MYNN: variants seen among roughly 807,000 people sequenced by gnomAD.
The protein encoded by MYNN is zinc finger and BTB domain-containing protein 31.
In MYNN, 22 loss-of-function variants were observed where a neutral mutation model predicts 57.2. The ratio of observed to expected loss-of-function variants is 0.38; its 90% CI spans 0.27 to 0.55. The LOEUF (loss-of-function observed/expected upper bound fraction) is 0.55, where lower values mean the gene tolerates loss of function less well. Ranked by LOEUF, MYNN falls within the 20% of genes least tolerant of loss-of-function variation. The pLI is 0.71. For missense variants in MYNN, 566 were observed against 723.1 expected (o/e 0.78, Z 2.49); for synonymous variants, 241 against 257.1 (o/e 0.94, Z 0.60).
rs768474473 is a variant in MYNN, at chr3:169,788,126, C to G, written c.*1448C>G. On this transcript the variant is annotated 3_prime_UTR_variant, in exon 8 of 8. Transcript: ENST00000349841. ...GATTTCTTTAATTCATTAATTTTCT[C>G]TATTTGGGACCCAAGTCATAAGAAC... The G allele has an allele frequency of 6.6e-6, 1 of 151,950 alleles. No individual in the cohort carries two copies. Among genetic ancestry groups the G allele is most frequent in the Non-Finnish European group, 1.5e-5 (1 of 67,940 alleles). 9.4% of individuals were successfully genotyped at this position (151,950 alleles called of 1,614,324 possible).
At position 169,786,908 on chromosome 3, in the gene MYNN, T is replaced by C. The variant is rs1701848284; in HGVS notation, c.*230T>C. The C allele has an allele frequency of 4.6e-6, 2 of 431,952 alleles. No individual in the cohort carries two copies. The highest frequency in any genetic ancestry group is 3.9e-5 in the African/African-American group (2 of 50,776). 26.8% of individuals were successfully genotyped at this position (431,952 alleles called of 1,614,324 possible). A position where few individuals can be genotyped will look rare whatever the true frequency, so the allele number is the denominator to read the frequency against. ...AAGTAATGAATTATGTAGCACTATTTTGGGTGGATGAGTTTTATTTTCTTT... is the reference window on the plus strand; with the variant it reads ...AAGTAATGAATTATGTAGCACTATTCTGGGTGGATGAGTTTTATTTTCTTT... On this transcript the variant is annotated 3_prime_UTR_variant, in exon 8 of 8. Coordinates refer to ENST00000349841, the MANE Select transcript of MYNN (RefSeq NM_018657.5).
chr3:169,774,767 A>G (rs1220471333), intron 2 of MYNN, among the ~76,000 whole-genome samples: 1 of 152,216 alleles, frequency 6.6e-6, no homozygotes, highest in Non-Finnish European at 1.5e-5. Flanking sequence ...AAACAGTAAG[A>G]TTTCTGACAC....
Position 169,788,329 on chromosome 3 carries a change from T to C in MYNN, c.*1651T>C, listed in dbSNP as rs1019824199. ...ATGCAAACAATATTTGATTATTTTA[T>C]CTAAGAAATCTATGCATGTGTATCA... On this transcript the variant is annotated 3_prime_UTR_variant, in exon 8 of 8. Coordinates refer to ENST00000349841, the MANE Select transcript of MYNN (RefSeq NM_018657.5). 6.6e-6 allele frequency: 1 copy of C among 152,168 alleles called. No homozygotes were observed. Among genetic ancestry groups the C allele is most frequent in the African/African-American group, 2.4e-5 (1 of 41,454 alleles). 9.4% of individuals were successfully genotyped at this position (152,168 alleles called of 1,614,324 possible). A position where few individuals can be genotyped will look rare whatever the true frequency, so the allele number is the denominator to read the frequency against.
intron 6 of MYNN, among the ~76,000 whole-genome samples, chr3:169,784,108 TAGTA>T (rs1264519324): frequency 2.6e-5 from 4 of 152,052 alleles, no homozygotes; most frequent in Admixed American, 2.6e-4. Flanking sequence ...AATAGAGATT[TAGTA>T]AGTTTTTGGT....
At chr3:169,784,208 C>T (rs1778605915) in intron 6 of MYNN, among the ~76,000 whole-genome samples, 1 of 151,936 alleles carries the variant, frequency 6.6e-6, no homozygotes. Flanking sequence ...AGCATGCTGT[C>T]AGTATTTTTA....
chr3:169,783,918 G>A, intron 6 of MYNN: 2 of 246,036 alleles, frequency 8.1e-6, no homozygotes, highest in Non-Finnish European at 1.6e-5. Flanking sequence ...CAATTTTTAG[G>A]AACAAATTTT....
chr3:169,779,404 G>C lies in MYNN; in HGVS notation c.903G>C (p.Lys301Asn). 1 of 1,614,198 alleles carries C rather than the reference G, an allele frequency of 6.2e-7. No homozygotes were observed. Among genetic ancestry groups the C allele is most frequent in the Non-Finnish European group, 8.5e-7 (1 of 1,180,036 alleles). ...TGGATCAGAGGTATTCCAAGGCCAAGCCAATGTGTAACACATGTGGGAAAG... is the reference window on the plus strand; with the variant it reads ...TGGATCAGAGGTATTCCAAGGCCAACCCAATGTGTAACACATGTGGGAAAG... ...EELDQRYSKA[K>N]PMCNTCGKVF... Residue 301 changes from lysine to asparagine, a missense_variant, in exon 3 of 8, where the codon AAG (lysine) becomes AAC (asparagine). Coordinates refer to ENST00000349841, the MANE Select transcript of MYNN (RefSeq NM_018657.5).
rs781559380 is a variant in MYNN at position 169,782,692 on chromosome 3, A to T, written c.1399+49A>T. The stretch of plus-strand genomic sequence containing the variant: ...CTTAAAATAAAGTTATAAATAAAAG[A>T]AAAAGGGGACTTGGGCCTTTTAGCG... On this transcript the variant is annotated intron_variant, in intron 5 of 7. Coordinates refer to ENST00000349841, the MANE Select transcript of MYNN (RefSeq NM_018657.5). The surrounding 1 kb of genome is among the most constrained non-coding windows in gnomAD (Gnocchi z 4.8). 6.6e-7 allele frequency: 1 copy of T among 1,523,076 alleles called. No homozygotes were observed. Among genetic ancestry groups the T allele is most frequent in the East Asian group, 2.3e-5 (1 of 43,978 alleles). 94.3% of individuals were successfully genotyped at this position (1,523,076 alleles called of 1,614,324 possible).
chr3:169,781,215 G>T (rs1778505094), intron 4 of MYNN, among the ~76,000 whole-genome samples: 1 of 152,330 alleles, frequency 6.6e-6, no homozygotes, highest in Middle Eastern at 3.4e-3. Context: ...AGATGATTCT[G>T]AGGTTTTGGG....
At chr3:169,785,138 A>G (rs1778639653) in intron 7 of MYNN, among the ~76,000 whole-genome samples, 2 of 151,662 alleles carry the variant, frequency 1.3e-5, no homozygotes, top group African/African-American at 2.4e-5. Context: ...GGAAACAGGT[A>G]GCCCTACATT....
chr3:169,779,458 G>A lies in MYNN; in HGVS notation c.957G>A (p.Arg319=), dbSNP rs1326379026. 2 of 1,614,046 alleles carry A rather than the reference G, an allele frequency of 1.2e-6. No homozygotes were observed. The highest frequency in any genetic ancestry group is 1.7e-6 in the Non-Finnish European group (2 of 1,180,044). Residue 319 remains arginine (R), a synonymous_variant, in exon 3 of 8, where the codon AGG becomes AGA. Transcript: ENST00000349841. ...TTTCAGAAGCCAGCAGTTTGAGAAGGCACATGAGAATACATAAAGGAGTCA... is the reference window on the plus strand; with the variant it reads ...TTTCAGAAGCCAGCAGTTTGAGAAGACACATGAGAATACATAAAGGAGTCA... The part of the protein sequence containing the change: ...KVFSEASSLR[R]HMRIHKGVKP...
intron 6 of MYNN, among the ~76,000 whole-genome samples, chr3:169,784,314 A>T (rs2108208495): frequency 6.6e-6 from 1 of 152,166 alleles, no homozygotes; most frequent in East Asian, 1.9e-4. Context: ...TCTGGCATAT[A>T]ACTGACACTC....
At position 169,786,576 on chromosome 3, in the gene MYNN, G is replaced by A. The variant is rs1244507257; in HGVS notation, c.1731G>A (p.Leu577=). The part of the protein sequence containing the change: ...PLGTEDHHML[L]PVTDTQSPTS... The stretch of plus-strand genomic sequence containing the variant: ...GGACTGAGGACCATCACATGCTTCT[G>A]CCTGTCACGGATACTCAGTCTCCTA... The change falls in exon 8 of 8, where the codon CTG becomes CTA. Residue 577 remains leucine (L), a synonymous_variant. Coordinates refer to ENST00000349841, the MANE Select transcript of MYNN (RefSeq NM_018657.5). 4.3e-6 allele frequency: 7 copies of A among 1,613,524 alleles called. No homozygotes were observed. Among genetic ancestry groups the A allele is most frequent in the Non-Finnish European group, 5.9e-6 (7 of 1,179,662 alleles).
intron 5 of MYNN, 131 bp from the exon 6 acceptor site, chr3:169,783,346 C>A: frequency 1.9e-6 from 1 of 539,974 alleles, no homozygotes; most frequent in Non-Finnish European, 3.3e-6. Flanking sequence ...ACTGAAAATA[C>A]CTCTAAAGTA....
chr3:169,774,280 C>G lies in MYNN; in HGVS notation c.-16C>G, dbSNP rs773120189. 6.2e-7 allele frequency: 1 copy of G among 1,609,852 alleles called. No individual in the cohort carries two copies. Among genetic ancestry groups the G allele is most frequent in the Non-Finnish European group, 8.5e-7 (1 of 1,176,824 alleles). ...TGTCTTTTAGATCAAGGGTAAAATT[C>G]CATTCTGATATCAAAATGCAGTATT... is the stretch of plus-strand genomic sequence containing the variant. On this transcript the variant is annotated 5_prime_UTR_variant, in exon 2 of 8. Transcript: ENST00000349841.
At chr3:169,783,300 G>A (rs1778572180) in intron 5 of MYNN, among the ~76,000 whole-genome samples, 177 bp from the exon 6 acceptor site, 1 of 151,994 alleles carries the variant, frequency 6.6e-6, no homozygotes, top group Admixed American at 6.6e-5. Context: ...CTTATGAACA[G>A]TATACAATAA....
intron 2 of MYNN, among the ~76,000 whole-genome samples, chr3:169,775,652 C>A (rs772393483): frequency 6.6e-6 from 1 of 151,840 alleles, no homozygotes; most frequent in African/African-American, 2.4e-5. Flanking sequence ...CTTCTTTACC[C>A]TCTCCTCCCC....
chr3:169,774,841 ATTTAT>A (rs766512817), intron 2 of MYNN, among the ~76,000 whole-genome samples: 7 of 152,064 alleles, frequency 4.6e-5, no homozygotes, highest in African/African-American at 1.7e-4. Context: ...AACACAATGA[ATTTAT>A]TTTATTTTAT....
Position 169,788,294 on chromosome 3 carries a change from C to T in MYNN, c.*1616C>T, listed in dbSNP as rs1030653634. 9 of 152,078 alleles carry T rather than the reference C, an allele frequency of 5.9e-5. No homozygotes were observed. Among genetic ancestry groups the T allele is most frequent in the African/African-American group, 1.9e-4 (8 of 41,428 alleles). The allele number at this position is 152,078 out of a possible 1,614,324, so 9.4% of individuals were successfully genotyped here. Reference sequence around the variant, plus strand: ...TATTTGAATAGAGTTTGAAATACCACCTTTGTATGATGCAAACAATATTTG... The same window carrying T: ...TATTTGAATAGAGTTTGAAATACCATCTTTGTATGATGCAAACAATATTTG... On this transcript the variant is annotated 3_prime_UTR_variant, in exon 8 of 8. Transcript: ENST00000349841.
Sources: gnomAD v4.1 joint callset for allele counts (sites outside exome capture counted in the v4.1 genomes callset) on GRCh38, gnomAD v4.1.1 for gene constraint, Gnocchi (gnomAD v3.1) non-coding constraint, MANE v1.5 for transcripts, NCBI Gene and HGNC (gene_info 2026-07-23, HGNC 2026-07-21) for gene names.